Variants in MED13 observed in about 807,000 individuals in gnomAD.
The protein encoded by MED13 is mediator complex subunit 13, also known as mediator of RNA polymerase II transcription subunit 13.
MED13 carries 23 observed loss-of-function variants against 225.2 expected under a neutral mutation model. The observed-to-expected ratio is 0.10, with a 90% CI of 0.07 to 0.14. The LOEUF (loss-of-function observed/expected upper bound fraction) is 0.14. MED13 is among the 10% of genes least tolerant of loss of function. The probability of loss-of-function intolerance (pLI) is 1.00; values close to 1 mark genes in which losing one functional copy is unlikely to be tolerated. For synonymous variants in MED13, 942 were observed against 889.2 expected (o/e 1.06, Z -1.06); for missense variants, 2,197 against 2,594.5 (o/e 0.85, Z 3.33).
chr17:62,018,622 G>A (rs544771892), intron 8 of MED13, among the ~76,000 whole-genome samples: 18 of 151,266 alleles, frequency 1.2e-4, no homozygotes, highest in East Asian at 9.8e-4. Flanking sequence ...GCTGAGGCAC[G>A]AAAATCGCTC....
rs1298247614 is a variant in MED13, at chr17:61,943,445, T to C, written c.*3023A>G. On this transcript the variant is annotated 3_prime_UTR_variant, in exon 30 of 30. Coordinates refer to ENST00000397786, the MANE Select transcript of MED13 (RefSeq NM_005121.3). ...TGTAGTAACACATTAAGTTAAAAAA[T>C]TACCTCAGAAGGTAAATATGAAGAC... The C allele has an allele frequency of 6.6e-6, 1 of 152,514 alleles. No individual in the cohort carries two copies. Among genetic ancestry groups the C allele is most frequent in the Non-Finnish European group, 1.5e-5 (1 of 67,986 alleles). The allele number at this position is 152,514 out of a possible 1,614,324, so 9.4% of individuals were successfully genotyped here.
chr17:62,037,130 G>A (rs2080810438), intron 3 of MED13, among the ~76,000 whole-genome samples: 1 of 152,086 alleles, frequency 6.6e-6, no homozygotes, highest in Non-Finnish European at 1.5e-5. Context: ...GCAGGTGCCT[G>A]TAATCCCAGC....
rs1320174064 is a variant in MED13 at position 61,956,481 on chromosome 17, C to T, written c.5481G>A (p.Arg1827=). The change falls in exon 24 of 30, where the codon AGG becomes AGA. Residue 1827 remains arginine, a splice_region_variant and synonymous_variant. Transcript: ENST00000397786. ...TAGCAGAACTTTTTTTCCGACGAGC[C>T]CTATTGTGTGAATAAAGAGAGTGTC... ...TCIINIDVPN[R]ARRKKSSARK... 1 of 1,601,160 alleles carries T rather than the reference C, an allele frequency of 6.2e-7. No individual in the cohort carries two copies. Among genetic ancestry groups the T allele is most frequent in the Non-Finnish European group, 8.5e-7 (1 of 1,176,738 alleles).
At chr17:61,998,705 T>C (rs1021687468) in intron 9 of MED13, among the ~76,000 whole-genome samples, 1 of 149,384 alleles carries the variant, frequency 6.7e-6, no homozygotes, top group African/African-American at 2.5e-5. Flanking sequence ...GTTCAAAGTA[T>C]CCTCCCTCTT....
At chr17:62,048,398 C>CATAA (rs755968000) in intron 3 of MED13, among the ~76,000 whole-genome samples, 8 of 68,090 alleles carry the variant, frequency 1.2e-4, no homozygotes, top group Non-Finnish European at 1.9e-4. Flanking sequence ...GAGACTGTTT[C>CATAA]AAAAAAAAAA....
chr17:62,058,299 A>AGGCT (rs1457876407), intron 2 of MED13, among the ~76,000 whole-genome samples: 4 of 152,164 alleles, frequency 2.6e-5, no homozygotes, highest in Non-Finnish European at 5.9e-5. Flanking sequence ...AGATCACCTG[A>AGGCT]GGCCAGGAGT....
Position 62,052,629 on chromosome 17 carries a change from T to C in MED13, c.378A>G (p.Leu126=), listed in dbSNP as rs759270806. The change falls in exon 3 of 30, where the codon CTA becomes CTG. Residue 126 remains leucine, a synonymous_variant. Coordinates refer to ENST00000397786, the MANE Select transcript of MED13 (RefSeq NM_005121.3). ...RTLLFKAVHN[L]LERCLMNRNF... ...TCCTGTTCATTAAACACCGTTCCAA[T>C]AGATTGTGAACTGCTTTGAAAAGCA... 1.0e-5 allele frequency: 16 copies of C among 1,604,668 alleles called. No homozygotes were observed. Among genetic ancestry groups the C allele is most frequent in the African/African-American group, 6.7e-5 (5 of 74,784 alleles).
intron 2 of MED13, among the ~76,000 whole-genome samples, chr17:62,060,690 T>C (rs1186098285): frequency 1.3e-5 from 2 of 150,406 alleles, no homozygotes; most frequent in African/African-American, 4.9e-5. Flanking sequence ...TTCATTCACG[T>C]TCAAGATCAC....
At chr17:62,052,483 C>T in intron 3 of MED13, 54 bp downstream of exon 3, 1 of 1,367,214 alleles carries the variant, frequency 7.3e-7, no homozygotes, top group South Asian at 1.6e-5. Flanking sequence ...TCTGTTAAGA[C>T]ACAAAAAGGA....
At position 61,984,301 on chromosome 17, in the gene MED13, G is replaced by C. The variant is rs1229203495; in HGVS notation, c.2758C>G (p.Leu920Val). 6.2e-7 allele frequency: 1 copy of C among 1,609,940 alleles called. No homozygotes were observed. ...AGATATTGGCTTGGTAGAGTTTTTA[G>C]AGGTGCAAACATGGAACATCCCACT... ...ILVGCSMFAPLKTLPSQYLPP... is the reference protein window; with the variant it reads ...ILVGCSMFAPVKTLPSQYLPP... Residue 920 changes from leucine (L) to valine (V), a missense_variant, in exon 15 of 30, where the codon CTA (leucine) becomes GTA (valine). This residue lies in a region of MED13 where 160 missense variants were observed against 184.8 expected (regional missense o/e 0.87). Coordinates refer to ENST00000397786, the MANE Select transcript of MED13 (RefSeq NM_005121.3).
Position 62,063,335 on chromosome 17 carries a change from C to T in MED13, c.67-34G>A, listed in dbSNP as rs771496884. ...AAGAAAGCATTAAGTTTTATTACTG[C>T]ATATTCACTCAAAGTCAAAAGTACT... On this transcript the variant is annotated intron_variant, in intron 1 of 29. Transcript: ENST00000397786. 7.8e-6 allele frequency: 11 copies of T among 1,408,742 alleles called. No homozygotes were observed. In the South Asian group the frequency reaches 9.6e-5, roughly 12 times the overall value. 87.3% of individuals were successfully genotyped at this position (1,408,742 alleles called of 1,614,324 possible).
At chr17:61,972,581 G>GA (rs1322609566) in intron 17 of MED13, 146 bp downstream of exon 17, 3 of 720,270 alleles carry the variant, frequency 4.2e-6, no homozygotes, top group Non-Finnish European at 4.4e-6. Flanking sequence ...GAAATGGTGG[G>GA]AAAAAAAGCT....
At chr17:61,991,233 C>T (rs748974104) in intron 11 of MED13, among the ~76,000 whole-genome samples, 9 of 152,080 alleles carry the variant, frequency 5.9e-5, no homozygotes, top group Non-Finnish European at 1.2e-4. Flanking sequence ...ATTCTCCTGC[C>T]TCAGCCTCCC....
At chr17:62,052,282 A>G (rs1267850868) in intron 3 of MED13, among the ~76,000 whole-genome samples, 2 of 152,112 alleles carry the variant, frequency 1.3e-5, no homozygotes, top group Non-Finnish European at 2.9e-5. Flanking sequence ...CATTAAGTCT[A>G]TCATCACAAA....
rs976246866 is a variant in MED13 at position 61,989,866 on chromosome 17, T to C, written c.2263+2674A>G. Among the ~76,000 whole-genome samples, 4 of 152,248 alleles carry C rather than the reference T, an allele frequency of 2.6e-5. No homozygotes were observed. The East Asian group carries it at 5.8e-4, about 22-fold the overall frequency. On this transcript the variant is annotated intron_variant, in intron 11 of 29. Transcript: ENST00000397786. ...CCATTCAGGGCCTTTTGTGACCCTA[T>C]ACACATTTTAGGATTGTTTTTTCTA... is the stretch of plus-strand genomic sequence containing the variant.
chr17:62,058,872 T>C (rs1051871122), intron 2 of MED13, among the ~76,000 whole-genome samples: 1 of 152,242 alleles, frequency 6.6e-6, no homozygotes, highest in African/African-American at 2.4e-5. Flanking sequence ...TCAGACGTGA[T>C]TTGCTGTAAC....
At chr17:62,021,066 GAA>G (rs1250097048) in intron 8 of MED13, among the ~76,000 whole-genome samples, 5 of 150,150 alleles carry the variant, frequency 3.3e-5, no homozygotes, top group South Asian at 2.2e-4. Flanking sequence ...AGAACAAAAT[GAA>G]AAGTCTCCCA....
chr17:62,023,561 G>A (rs916187155), intron 8 of MED13, among the ~76,000 whole-genome samples: 1 of 152,172 alleles, frequency 6.6e-6, no homozygotes, highest in African/African-American at 2.4e-5. Context: ...AAAGACCCTG[G>A]CTTCTTCCCT....
chr17:62,061,799 T>C (rs1451665119), intron 2 of MED13, among the ~76,000 whole-genome samples: 1 of 152,188 alleles, frequency 6.6e-6, no homozygotes, highest in Non-Finnish European at 1.5e-5. Flanking sequence ...CACATCACTT[T>C]ACACATTTAG....
Sources: allele counts gnomAD v4.1 joint callset (sites outside exome capture counted in the v4.1 genomes callset), GRCh38; gene constraint gnomAD v4.1.1; regional missense constraint gnomAD v4.1.1; transcripts MANE v1.5; gene names NCBI Gene and HGNC (gene_info 2026-07-23, HGNC 2026-07-21).